CHRM3: variants seen among roughly 807,000 people sequenced by gnomAD.
CHRM3 encodes the protein cholinergic receptor muscarinic 3, also known as muscarinic acetylcholine receptor M3.
In CHRM3, 11 loss-of-function variants were observed where a neutral mutation model predicts 41.8. The ratio of observed to expected loss-of-function variants is 0.26; its 90% CI spans 0.17 to 0.44. The LOEUF (loss-of-function observed/expected upper bound fraction) is 0.44. Among genes scored for constraint, CHRM3 ranks in the 20% least tolerant of loss-of-function variants. CHRM3 has a pLI of 1.00. For synonymous variants in CHRM3, 297 were observed against 301.4 expected (o/e 0.99, Z 0.15); for missense variants, 571 against 745.4 (o/e 0.77, Z 2.72).
chr1:239,836,636 A>C (rs1220616315), intron 6 of CHRM3, among the ~76,000 whole-genome samples: 10 of 152,208 alleles, frequency 6.6e-5, no homozygotes, highest in Admixed American at 5.2e-4. Flanking sequence ...GACCACTATC[A>C]ATGTGTGCAG....
rs1259158587 is a variant in CHRM3 at position 239,910,816 on chromosome 1, C to T, written c.*1592C>T. The T allele has an allele frequency of 1.2e-5, 2 of 166,920 alleles. No homozygotes were observed. The highest frequency in any genetic ancestry group is 6.6e-5 in the Admixed American group (1 of 15,236). 10.3% of individuals were successfully genotyped at this position (166,920 alleles called of 1,614,324 possible). ...GGGCATTCGTGTTGTGAACCCAGAG[C>T]TGGGTAGAAGCTGCTTTTGTATTCA... On this transcript the variant is annotated 3_prime_UTR_variant, in exon 7 of 7. Coordinates refer to ENST00000676153, the MANE Select transcript of CHRM3 (RefSeq NM_001375978.1).
intron 5 of CHRM3, among the ~76,000 whole-genome samples, chr1:239,709,368 A>G (rs1277479714): frequency 6.6e-6 from 1 of 152,210 alleles, no homozygotes; most frequent in Admixed American, 6.5e-5. Context: ...CGCCGTGTCT[A>G]AAATAGTCAT....
At chr1:239,516,423 A>G (rs992347133) in intron 2 of CHRM3, among the ~76,000 whole-genome samples, 2 of 152,236 alleles carry the variant, frequency 1.3e-5, no homozygotes, top group African/African-American at 4.8e-5. Context: ...TGTTTAGCAC[A>G]TGAGATAGAC....
intron 2 of CHRM3, among the ~76,000 whole-genome samples, chr1:239,508,950 C>T (rs539238993): frequency 7.2e-4 from 110 of 152,232 alleles, no homozygotes; most frequent in African/African-American, 2.6e-3. Context: ...CTAGAAGAAG[C>T]AGGAATTTAT....
At chr1:239,597,850 C>T (rs1664968241) in intron 3 of CHRM3, among the ~76,000 whole-genome samples, 3 of 126,670 alleles carry the variant, frequency 2.4e-5, no homozygotes. Context: ...AAAAAAAAAA[C>T]TGTCAGAGTT....
intron 1 of CHRM3, among the ~76,000 whole-genome samples, chr1:239,419,953 A>C (rs563820007): frequency 1.3e-5 from 2 of 152,286 alleles, no homozygotes; most frequent in African/African-American, 4.8e-5. Flanking sequence ...CCCTGTCTGA[A>C]AATTCGGCAG....
chr1:239,800,002 A>G (rs1283101190), intron 5 of CHRM3, among the ~76,000 whole-genome samples: 1 of 152,098 alleles, frequency 6.6e-6, no homozygotes, highest in Non-Finnish European at 1.5e-5. Context: ...TTTCTTCTTC[A>G]TATCAGGTAG....
chr1:239,458,292 G>A (rs993586994), intron 1 of CHRM3, among the ~76,000 whole-genome samples: 1 of 152,066 alleles, frequency 6.6e-6, no homozygotes, highest in African/African-American at 2.4e-5. Flanking sequence ...ATGAACAGAT[G>A]TGACTGTGTT....
intron 1 of CHRM3, among the ~76,000 whole-genome samples, chr1:239,403,605 A>T (rs1363328145): frequency 2.0e-5 from 3 of 152,050 alleles, no homozygotes; most frequent in Non-Finnish European, 2.9e-5. Context: ...TCTCCTGGAA[A>T]TTATGGTTCC....
intron 6 of CHRM3, among the ~76,000 whole-genome samples, chr1:239,847,156 T>C (rs1260196518): frequency 6.6e-6 from 1 of 152,170 alleles, no homozygotes; most frequent in Non-Finnish European, 1.5e-5. Flanking sequence ...AAGACGAAAG[T>C]GAGGGTGTTG....
intron 2 of CHRM3, among the ~76,000 whole-genome samples, chr1:239,499,549 A>G (rs764098934): frequency 6.6e-6 from 1 of 152,086 alleles, no homozygotes; most frequent in Non-Finnish European, 1.5e-5. Flanking sequence ...AAAAGATTAT[A>G]TTTTCTAAAG....
intron 3 of CHRM3, among the ~76,000 whole-genome samples, chr1:239,592,173 A>G (rs2148644260): frequency 6.6e-6 from 1 of 152,356 alleles, no homozygotes; most frequent in African/African-American, 2.4e-5. Context: ...ATGTTACATG[A>G]CATCCATCCA....
rs67460907 is a variant in CHRM3, at chr1:239,793,803, A to ATTTTTTTTTTTTTTTTTTTT, written c.-146-33443_-146-33424dup. 2.7e-4 allele frequency among the ~76,000 whole-genome samples: 19 copies of ATTTTTTTTTTTTTTTTTTTT among 69,494 alleles called. 5 individuals carry two copies. Among genetic ancestry groups the ATTTTTTTTTTTTTTTTTTTT allele is most frequent in the African/African-American group, 1.1e-3 (18 of 16,148 alleles). The allele number at this position is 69,494 out of a possible 152,430, so 45.6% of individuals were successfully genotyped here. A position where few individuals can be genotyped will look rare whatever the true frequency, so the allele number is the denominator to read the frequency against. On this transcript the variant is annotated intron_variant, in intron 5 of 6. Coordinates refer to ENST00000676153, the MANE Select transcript of CHRM3 (RefSeq NM_001375978.1). ...TGAACTTGTCAGAAATGAAATGTGTATTTTTTTTTTTTTTTTTTTTTTTTT... is the reference window on the plus strand; with the variant it reads ...TGAACTTGTCAGAAATGAAATGTGTATTTTTTTTTTTTTTTTTTTTTTTTTTTTTTTTTTTTTTTTTTTTT...
chr1:239,516,399 A>G (rs960744406), intron 2 of CHRM3, among the ~76,000 whole-genome samples: 4 of 152,246 alleles, frequency 2.6e-5, no homozygotes, highest in African/African-American at 9.6e-5. Flanking sequence ...TAGAGTAGAC[A>G]GTGCATGTGA....
intron 1 of CHRM3, among the ~76,000 whole-genome samples, chr1:239,397,169 A>T (rs1319122): frequency 0.79 from 119,655 of 152,110 alleles, 49,244 homozygotes; most frequent in Non-Finnish European, 0.91. Context: ...ATCTTTGATG[A>T]CAAGTTAAAA....
At chr1:239,517,338 A>C (rs1669339371) in intron 2 of CHRM3, among the ~76,000 whole-genome samples, 1 of 152,194 alleles carries the variant, frequency 6.6e-6, no homozygotes, top group Admixed American at 6.5e-5. Flanking sequence ...ATAAATGTGA[A>C]AGCGGAGGTA....
chr1:239,599,869 C>A (rs755859774), intron 3 of CHRM3, among the ~76,000 whole-genome samples: 2 of 152,116 alleles, frequency 1.3e-5, no homozygotes, highest in Non-Finnish European at 2.9e-5. Context: ...ATGGTTTCTA[C>A]TGAATACGTA....
intron 3 of CHRM3, among the ~76,000 whole-genome samples, chr1:239,554,552 T>C (rs922046368): frequency 6.6e-6 from 1 of 152,076 alleles, no homozygotes; most frequent in Non-Finnish European, 1.5e-5. Context: ...AAATTTATTT[T>C]AAATGAAAGC....
chr1:239,588,113 A>G (rs1486387574), intron 3 of CHRM3, among the ~76,000 whole-genome samples: 4 of 152,218 alleles, frequency 2.6e-5, no homozygotes, highest in African/African-American at 7.2e-5. Context: ...TGAATACATT[A>G]TGCCATTTTC....
Sources: allele counts gnomAD v4.1 joint callset (sites outside exome capture counted in the v4.1 genomes callset), GRCh38; gene constraint gnomAD v4.1.1; transcripts MANE v1.5; gene names NCBI Gene and HGNC (gene_info 2026-07-23, HGNC 2026-07-21).